ACOXL: variants seen among roughly 807,000 people sequenced by gnomAD.
The protein encoded by ACOXL is acyl-CoA oxidase like.
Under a neutral mutation model 71.9 loss-of-function variants are expected in ACOXL, and 70 were observed. The ratio of observed to expected loss-of-function variants is 0.97; its 90% CI spans 0.80 to 1.19. The LOEUF (loss-of-function observed/expected upper bound fraction) is 1.19, where lower values mean the gene tolerates loss of function less well. ACOXL is among the 50% of genes most tolerant of loss of function. The pLI is 0.00. For missense variants in ACOXL, 703 were observed against 736.3 expected, an observed-to-expected ratio of 0.95 and a Z score of 0.52; for synonymous variants, 253 against 281.6, an observed-to-expected ratio of 0.90 and a Z score of 1.02.
Position 110,950,810 on chromosome 2 carries a change from G to GGAGAGAGAGA in ACOXL, c.1059+17184_1059+17193dup, listed in dbSNP as rs71383892. ...ATCTTAAGGAGGAAGGGTGGGGGGTGGAGAGAGAGAGAGAGAGAGAGAGAG... is the reference window on the plus strand; with the variant it reads ...ATCTTAAGGAGGAAGGGTGGGGGGTGGAGAGAGAGAGAGAGAGAGAGAGAGAGAGAGAGAG... On this transcript the variant is annotated intron_variant, in intron 12 of 17. Coordinates refer to ENST00000439055, the MANE Select transcript of ACOXL (RefSeq NM_001142807.4). 5.3e-3 allele frequency among the ~76,000 whole-genome samples: 751 copies of GGAGAGAGAGA among 142,854 alleles called. 8 individuals are homozygous for GGAGAGAGAGA. Among genetic ancestry groups the GGAGAGAGAGA allele is most frequent in the African/African-American group, 0.016 (610 of 38,220 alleles). The allele number at this position is 142,854 out of a possible 152,430, so 93.7% of individuals were successfully genotyped here.
At chr2:110,996,413 A>G (rs911285361) in intron 14 of ACOXL, among the ~76,000 whole-genome samples, 1 of 152,240 alleles carries the variant, frequency 6.6e-6, no homozygotes, top group Non-Finnish European at 1.5e-5. Flanking sequence ...GTCTCCTATT[A>G]AAATACCTGT....
intron 10 of ACOXL, among the ~76,000 whole-genome samples, chr2:110,877,966 G>T (rs951536289): frequency 3.9e-5 from 6 of 152,242 alleles, no homozygotes; most frequent in Admixed American, 1.3e-4. Context: ...CACAGGCACT[G>T]GAAGGTTGGG....
chr2:110,834,957 T>A (rs1313914069), intron 9 of ACOXL, among the ~76,000 whole-genome samples: 31 of 152,222 alleles, frequency 2.0e-4, no homozygotes, highest in Admixed American at 2.0e-3. Flanking sequence ...AGGTAGTGCC[T>A]GGGTCAGGCT....
chr2:110,811,789 G>A (rs950269239), intron 9 of ACOXL, among the ~76,000 whole-genome samples: 1 of 55,512 alleles, frequency 1.8e-5, no homozygotes, highest in Non-Finnish European at 4.5e-5. Flanking sequence ...ACACACACGC[G>A]GGGAGGAGAG....
At chr2:111,100,177 G>C (rs1218061304) in intron 17 of ACOXL, 2 of 152,622 alleles carry the variant, frequency 1.3e-5, no homozygotes, top group Non-Finnish European at 2.9e-5. Context: ...TGTGTTGAGA[G>C]AACCACAGCC....
chr2:110,758,297 T>C (rs1052486392), intron 1 of ACOXL, among the ~76,000 whole-genome samples: 6 of 152,192 alleles, frequency 3.9e-5, no homozygotes, highest in Non-Finnish European at 8.8e-5. Flanking sequence ...TACTATAGCC[T>C]TGTAGTATAG....
intron 1 of ACOXL, among the ~76,000 whole-genome samples, chr2:110,758,304 A>G (rs1401714807): frequency 1.3e-5 from 2 of 152,280 alleles, no homozygotes; most frequent in African/African-American, 4.8e-5. Context: ...GCCTTGTAGT[A>G]TAGTTTGAAG....
At chr2:110,761,415 C>T (rs1244346892) in intron 1 of ACOXL, among the ~76,000 whole-genome samples, 1 of 152,154 alleles carries the variant, frequency 6.6e-6, no homozygotes, top group Non-Finnish European at 1.5e-5. Context: ...ATGGAAGTTA[C>T]CTTCTCTGGA....
chr2:111,039,569 A>C (rs2065679085), intron 15 of ACOXL, among the ~76,000 whole-genome samples: 1 of 152,242 alleles, frequency 6.6e-6, no homozygotes, highest in Admixed American at 6.5e-5. Flanking sequence ...GACACGTAGA[A>C]TCTCAGCTCT....
intron 9 of ACOXL, among the ~76,000 whole-genome samples, chr2:110,838,759 A>G (rs1690766441): frequency 6.6e-6 from 1 of 152,140 alleles, no homozygotes; most frequent in Non-Finnish European, 1.5e-5. Context: ...TCTGTGTGAC[A>G]TTTCAGCCAT....
chr2:110,953,048 T>C (rs980682812), intron 12 of ACOXL, among the ~76,000 whole-genome samples: 5 of 152,198 alleles, frequency 3.3e-5, no homozygotes, highest in African/African-American at 4.8e-5. Context: ...TTTGTTGAAT[T>C]CTTACTATAT....
chr2:110,938,762 C>T (rs367597477), intron 12 of ACOXL, among the ~76,000 whole-genome samples: 1 of 152,112 alleles, frequency 6.6e-6, no homozygotes, highest in East Asian at 1.9e-4. Context: ...TCTTTCTTAC[C>T]CTTAAAACTT....
intron 9 of ACOXL, among the ~76,000 whole-genome samples, chr2:110,830,325 C>T (rs994848950): frequency 6.6e-6 from 1 of 152,148 alleles, no homozygotes; most frequent in African/African-American, 2.4e-5. Context: ...ATTGACTCAA[C>T]ACATATTGTA....
At chr2:111,023,862 C>T (rs985897912) in intron 14 of ACOXL, among the ~76,000 whole-genome samples, 1 of 152,074 alleles carries the variant, frequency 6.6e-6, no homozygotes, top group Non-Finnish European at 1.5e-5. Context: ...AGGGACACTC[C>T]TAGGCTGCGA....
intron 1 of ACOXL, among the ~76,000 whole-genome samples, chr2:110,763,245 A>G (rs1485451791): frequency 6.6e-6 from 1 of 152,342 alleles, no homozygotes; most frequent in East Asian, 1.9e-4. Flanking sequence ...TTGAAGGAGA[A>G]GAACAAAGTT....
chr2:110,970,494 T>C (rs2062136332), intron 12 of ACOXL, among the ~76,000 whole-genome samples: 1 of 126,350 alleles, frequency 7.9e-6, no homozygotes, highest in African/African-American at 2.6e-5. Context: ...TTCCTCAAAT[T>C]GAAAGAGTCT....
At chr2:111,059,795 T>A (rs1474408592) in intron 16 of ACOXL, among the ~76,000 whole-genome samples, 7 of 134,056 alleles carry the variant, frequency 5.2e-5, no homozygotes, top group Admixed American at 7.6e-5. Context: ...GAAGAAGGGG[T>A]AGAAGAAGGA....
At chr2:111,083,905 T>C (rs1002668052) in intron 16 of ACOXL, among the ~76,000 whole-genome samples, 5 of 152,172 alleles carry the variant, frequency 3.3e-5, no homozygotes, top group Non-Finnish European at 5.9e-5. Flanking sequence ...CCTTATAGTG[T>C]CTGACACATA....
intron 2 of ACOXL, among the ~76,000 whole-genome samples, chr2:110,784,041 A>C (rs1227257183): frequency 6.6e-6 from 1 of 152,150 alleles, no homozygotes; most frequent in Non-Finnish European, 1.5e-5. Context: ...CAAAGCCTTG[A>C]TATGGTCTAT....
Sources: allele counts gnomAD v4.1 joint callset (sites outside exome capture counted in the v4.1 genomes callset), GRCh38; gene constraint gnomAD v4.1.1; transcripts MANE v1.5; gene names NCBI Gene and HGNC (gene_info 2026-07-23, HGNC 2026-07-21).